TMEM163: variants seen among roughly 807,000 people sequenced by gnomAD.
The protein encoded by TMEM163 is transmembrane protein 163.
Under a neutral mutation model 29.3 loss-of-function variants are expected in TMEM163, and 17 were observed. The ratio of observed to expected loss-of-function variants is 0.58; its 90% CI spans 0.40 to 0.87. TMEM163 has a LOEUF of 0.87. Ranked by LOEUF, TMEM163 falls within the 40% of genes least tolerant of loss-of-function variation. The probability of loss-of-function intolerance (pLI) is 0.00; values close to 1 mark genes in which losing one functional copy is unlikely to be tolerated. For missense variants in TMEM163, 303 were observed against 381.5 expected, an observed-to-expected ratio of 0.79 and a Z score of 1.71; for synonymous variants, 157 against 160.6, an observed-to-expected ratio of 0.98 and a Z score of 0.17.
intron 2 of TMEM163, among the ~76,000 whole-genome samples, chr2:134,601,188 G>T (rs765308010): frequency 3.9e-4 from 59 of 152,002 alleles, no homozygotes; most frequent in Non-Finnish European, 6.9e-4. Context: ...TACCTAAAAG[G>T]TCTTTTTTTC....
At chr2:134,638,693 A>G (rs565396131) in intron 2 of TMEM163, among the ~76,000 whole-genome samples, 5 of 152,310 alleles carry the variant, frequency 3.3e-5, no homozygotes, top group Admixed American at 2.6e-4. Flanking sequence ...AGGAACAGAG[A>G]GCAGAGCAAG....
intron 4 of TMEM163, among the ~76,000 whole-genome samples, chr2:134,506,098 T>C (rs1412913744): frequency 6.6e-6 from 1 of 152,226 alleles, no homozygotes; most frequent in East Asian, 1.9e-4. Flanking sequence ...CTCTGAAATA[T>C]AATGAAAATC....
intron 4 of TMEM163, among the ~76,000 whole-genome samples, chr2:134,513,920 A>C (rs1481037074): frequency 1.3e-5 from 2 of 152,208 alleles, no homozygotes; most frequent in Non-Finnish European, 2.9e-5. Context: ...ACTGTCAACC[A>C]GAGTGCTGAA....
chr2:134,621,268 C>A (rs1198384397), intron 2 of TMEM163, among the ~76,000 whole-genome samples: 1 of 152,100 alleles, frequency 6.6e-6, no homozygotes, highest in Non-Finnish European at 1.5e-5. Flanking sequence ...CAAATGAAAA[C>A]AAGATACTAC....
intron 2 of TMEM163, among the ~76,000 whole-genome samples, chr2:134,588,384 A>C (rs918097589): frequency 6.6e-6 from 1 of 152,222 alleles, no homozygotes; most frequent in African/African-American, 2.4e-5. Context: ...TTGTCACATC[A>C]TCATTCATGA....
At chr2:134,501,193 G>A (rs1679689466) in intron 5 of TMEM163, among the ~76,000 whole-genome samples, 1 of 152,144 alleles carries the variant, frequency 6.6e-6, no homozygotes, top group African/African-American at 2.4e-5. Flanking sequence ...GGTACAGATG[G>A]TATGGGTTCT....
intron 2 of TMEM163, among the ~76,000 whole-genome samples, chr2:134,633,241 G>A (rs1683021342): frequency 6.6e-6 from 1 of 152,162 alleles, no homozygotes; most frequent in South Asian, 2.1e-4. Context: ...TATTATATTG[G>A]TCTAAGCAAA....
chr2:134,634,867 T>C (rs917760150), intron 2 of TMEM163, among the ~76,000 whole-genome samples: 2 of 152,270 alleles, frequency 1.3e-5, no homozygotes, highest in African/African-American at 4.8e-5. Flanking sequence ...GATGGAATAA[T>C]GCCAAGCAGG....
At chr2:134,606,121 G>A (rs1306087255) in intron 2 of TMEM163, among the ~76,000 whole-genome samples, 1 of 152,106 alleles carries the variant, frequency 6.6e-6, no homozygotes, top group Non-Finnish European at 1.5e-5. Context: ...CTTAAAATAT[G>A]TGTTTTTGAA....
intron 2 of TMEM163, among the ~76,000 whole-genome samples, chr2:134,570,302 A>G (rs1053974300): frequency 1.3e-5 from 2 of 152,158 alleles, no homozygotes; most frequent in South Asian, 4.1e-4. Flanking sequence ...ACAGTGCATG[A>G]TAAGTGCTTA....
chr2:134,472,274 T>G (rs1686820509), intron 5 of TMEM163, among the ~76,000 whole-genome samples: 1 of 152,110 alleles, frequency 6.6e-6, no homozygotes, highest in South Asian at 2.1e-4. Flanking sequence ...GTTAATCTCC[T>G]TACTATAGAA....
At chr2:134,490,966 G>A (rs1218329320) in intron 5 of TMEM163, among the ~76,000 whole-genome samples, 2 of 152,002 alleles carry the variant, frequency 1.3e-5, no homozygotes, top group Non-Finnish European at 2.9e-5. Flanking sequence ...TTATACTTAG[G>A]AAACTCAATG....
chr2:134,598,802 C>T (rs932327631), intron 2 of TMEM163, among the ~76,000 whole-genome samples: 5 of 151,828 alleles, frequency 3.3e-5, no homozygotes, highest in African/African-American at 1.2e-4. Context: ...TGCCTGAAGT[C>T]CCAGCTTCTT....
At chr2:134,546,375 C>T (rs894837108) in intron 4 of TMEM163, among the ~76,000 whole-genome samples, 1 of 152,144 alleles carries the variant, frequency 6.6e-6, no homozygotes, top group African/African-American at 2.4e-5. Flanking sequence ...GGGCATGGTG[C>T]CTCACACCTG....
At chr2:134,664,687 G>A (rs781072066) in intron 2 of TMEM163, among the ~76,000 whole-genome samples, 4 of 152,118 alleles carry the variant, frequency 2.6e-5, no homozygotes, top group African/African-American at 4.8e-5. Flanking sequence ...CAGTCGTGTG[G>A]TCACAAGCAG....
chr2:134,584,658 CA>C (rs1306577369), intron 2 of TMEM163, among the ~76,000 whole-genome samples: 3 of 142,350 alleles, frequency 2.1e-5, no homozygotes, highest in African/African-American at 7.7e-5. Context: ...AAAAAAAGTA[CA>C]AAGGCATGTG....
chr2:134,638,223 C>A (rs1402295024), intron 2 of TMEM163, among the ~76,000 whole-genome samples: 2 of 152,130 alleles, frequency 1.3e-5, no homozygotes, highest in East Asian at 3.8e-4. Flanking sequence ...TATTACTCTA[C>A]CGTAATTTAT....
At chr2:134,534,315 G>C (rs1471559715) in intron 4 of TMEM163, among the ~76,000 whole-genome samples, 1 of 152,030 alleles carries the variant, frequency 6.6e-6, no homozygotes, top group African/African-American at 2.4e-5. Flanking sequence ...CAAAATGTAG[G>C]CTACACCAAC....
In TMEM163 at chr2:134,456,551, T is replaced by C; in HGVS notation, c.*165A>G. ...CATGTTTGATGGGGGCGGCAGGTGA[T>C]GGGGGCAAGGTAGATCCACCTGGCT... is the stretch of plus-strand genomic sequence containing the variant. On this transcript the variant is annotated 3_prime_UTR_variant, in exon 8 of 8. Coordinates refer to ENST00000281924, the MANE Select transcript of TMEM163 (RefSeq NM_030923.5). The C allele has an allele frequency of 1.3e-6, 1 of 746,070 alleles. No individual in the cohort carries two copies. The highest frequency in any genetic ancestry group is 2.2e-6 in the Non-Finnish European group (1 of 445,338). The allele number at this position is 746,070 out of a possible 1,614,324, so 46.2% of individuals were successfully genotyped here.
Sources: gnomAD v4.1 joint callset for allele counts (sites outside exome capture counted in the v4.1 genomes callset) on GRCh38, gnomAD v4.1.1 for gene constraint, MANE v1.5 for transcripts, NCBI Gene and HGNC (gene_info 2026-07-23, HGNC 2026-07-21) for gene names.